The following GABRA2 variants were observed in gnomAD, a reference collection of about 807,000 sequenced individuals.
The protein encoded by GABRA2 is gamma-aminobutyric acid receptor subunit alpha-2.
GABRA2 carries 16 observed loss-of-function variants against 48.7 expected under a neutral mutation model. The observed-to-expected ratio is 0.33, with a 90% CI of 0.22 to 0.50. The LOEUF (loss-of-function observed/expected upper bound fraction) is 0.50, where lower values mean the gene tolerates loss of function less well. Among genes scored for constraint, GABRA2 ranks in the 20% least tolerant of loss-of-function variants. The pLI is 0.98. For missense variants in GABRA2, 275 were observed against 535.6 expected, an observed-to-expected ratio of 0.51 and a Z score of 4.80; for synonymous variants, 185 against 184.5, an observed-to-expected ratio of 1.00 and a Z score of -0.02.
At chr4:46,363,540 A>C (rs544338896) in intron 3 of GABRA2, among the ~76,000 whole-genome samples, 1 of 152,274 alleles carries the variant, frequency 6.6e-6, no homozygotes, top group South Asian at 2.1e-4. Flanking sequence ...TCTATTTGAG[A>C]ATACATAATG....
chr4:46,347,801 GAGAAAAAAACAC>G (rs2109887664), intron 3 of GABRA2, among the ~76,000 whole-genome samples: 1 of 151,860 alleles, frequency 6.6e-6, no homozygotes, highest in African/African-American at 2.4e-5. Context: ...GCAGATGGAA[GAGAAAAAAACAC>G]AGACTGGGAG....
chr4:46,260,729 A>G (rs1716791584), intron 9 of GABRA2: 1 of 151,964 alleles, frequency 6.6e-6, no homozygotes. Flanking sequence ...TGTAATGGAA[A>G]TGCTGAAACA....
chr4:46,247,649 G>GAT lies in GABRA2; in HGVS notation c.*2657_*2658dup. Among the ~76,000 whole-genome samples the GAT allele has an allele frequency of 6.6e-6, 1 of 151,264 alleles. No homozygotes were observed. The highest frequency in any genetic ancestry group is 6.6e-5 in the Admixed American group (1 of 15,122). On this transcript the variant is annotated 3_prime_UTR_variant, in exon 10 of 10. Transcript: ENST00000381620. Reference sequence around the variant, plus strand: ...TAGGTATAATCTTATGGGCCAAAGAGATCAGTGTTAGTATATATAAAATGT... The same window carrying GAT: ...TAGGTATAATCTTATGGGCCAAAGAGATATCAGTGTTAGTATATATAAAATGT...
chr4:46,247,291 G>C lies in GABRA2; in HGVS notation c.*3017C>G, dbSNP rs1310714920. On this transcript the variant is annotated 3_prime_UTR_variant, in exon 10 of 10. Transcript: ENST00000381620. ...ATGAACAGGAGAAAAGAGAAAAACA[G>C]CCACCTATCCTAGCACACTAGTGGC... Among the ~76,000 whole-genome samples, 1 of 150,984 alleles carries C rather than the reference G, an allele frequency of 6.6e-6. No individual in the cohort carries two copies. The highest frequency in any genetic ancestry group is 1.5e-5 in the Non-Finnish European group (1 of 67,428).
chr4:46,313,309 AT>A (rs1355421414), intron 4 of GABRA2, among the ~76,000 whole-genome samples: 1 of 151,914 alleles, frequency 6.6e-6, no homozygotes. Context: ...AAATTATCAT[AT>A]TTATTTTTTA....
At chr4:46,251,574 T>C (rs1342688613) in intron 9 of GABRA2, among the ~76,000 whole-genome samples, 1 of 151,486 alleles carries the variant, frequency 6.6e-6, no homozygotes, top group East Asian at 2.0e-4. Flanking sequence ...ATTTTTCACA[T>C]GAACACCAAT....
chr4:46,291,337 A>T (rs1723585709), intron 8 of GABRA2, among the ~76,000 whole-genome samples: 1 of 152,094 alleles, frequency 6.6e-6, no homozygotes, highest in Non-Finnish European at 1.5e-5. Context: ...GAGTGTGCCC[A>T]TTACTAGGAA....
At chr4:46,310,572 T>G (rs1181755237) in intron 5 of GABRA2, among the ~76,000 whole-genome samples, 2 of 152,126 alleles carry the variant, frequency 1.3e-5, no homozygotes, top group Non-Finnish European at 2.9e-5. Context: ...CTTGAAATCT[T>G]AAGGGCCAAA....
chr4:46,246,384 T>C lies in GABRA2; in HGVS notation c.*3924A>G, dbSNP rs1194385893. Among the ~76,000 whole-genome samples the C allele has an allele frequency of 2.0e-5, 3 of 151,216 alleles. No homozygotes were observed. Among genetic ancestry groups the C allele is most frequent in the African/African-American group, 7.3e-5 (3 of 41,342 alleles). ...AGAGCATGAATTCAGTAGATAAAAA[T>C]ATGACTTGTCTTCTCCACACTGTTA... On this transcript the variant is annotated 3_prime_UTR_variant, in exon 10 of 10. Transcript: ENST00000381620.
intron 8 of GABRA2, among the ~76,000 whole-genome samples, chr4:46,279,175 C>T (rs929191800): frequency 2.0e-4 from 31 of 151,992 alleles, no homozygotes; most frequent in African/African-American, 7.5e-4. Flanking sequence ...TGTCCGATAT[C>T]TATTAAAACT....
chr4:46,246,808 T>G lies in GABRA2; in HGVS notation c.*3500A>C, dbSNP rs1713794933. 6.6e-6 allele frequency among the ~76,000 whole-genome samples: 1 copy of G among 151,180 alleles called. No individual in the cohort carries two copies. The highest frequency in any genetic ancestry group is 6.6e-5 in the Admixed American group (1 of 15,096). On this transcript the variant is annotated 3_prime_UTR_variant, in exon 10 of 10. Transcript: ENST00000381620. ...TGAGGGCATCAGGCATAGAATACATTAAACAAATTATTAATGGATGCCAAA... is the reference window on the plus strand; with the variant it reads ...TGAGGGCATCAGGCATAGAATACATGAAACAAATTATTAATGGATGCCAAA...
chr4:46,346,912 G>C (rs568798866), intron 3 of GABRA2, among the ~76,000 whole-genome samples: 1 of 151,962 alleles, frequency 6.6e-6, no homozygotes, highest in South Asian at 2.1e-4. Flanking sequence ...TGTCAGAGCT[G>C]ATAAATTAAT....
At chr4:46,342,903 T>C (rs573386921) in intron 3 of GABRA2, among the ~76,000 whole-genome samples, 1 of 152,114 alleles carries the variant, frequency 6.6e-6, no homozygotes, top group Admixed American at 6.6e-5. Context: ...CTTCAAGTAA[T>C]CCTCCCACCT....
chr4:46,361,357 G>A (rs1713156225), intron 3 of GABRA2, among the ~76,000 whole-genome samples: 1 of 152,190 alleles, frequency 6.6e-6, no homozygotes. Context: ...ACAAGTTACA[G>A]CTCAGGCTGT....
At chr4:46,337,611 T>C (rs1560546171) in intron 3 of GABRA2, among the ~76,000 whole-genome samples, 1 of 135,692 alleles carries the variant, frequency 7.4e-6, no homozygotes, top group East Asian at 2.2e-4. Context: ...AGACTGAAGA[T>C]AGCGTATTCA....
chr4:46,346,948 C>T (rs1734240884), intron 3 of GABRA2, among the ~76,000 whole-genome samples: 1 of 151,786 alleles, frequency 6.6e-6, no homozygotes, highest in Admixed American at 6.6e-5. Flanking sequence ...CAAAGTTAAC[C>T]TACAAAATCA....
intron 3 of GABRA2, among the ~76,000 whole-genome samples, chr4:46,358,416 C>T (rs745517021): frequency 1.3e-5 from 2 of 152,092 alleles, no homozygotes; most frequent in African/African-American, 4.8e-5. Context: ...TTTTGTTTTG[C>T]AATACTGATG....
intron 3 of GABRA2, among the ~76,000 whole-genome samples, chr4:46,377,751 C>A (rs1403879563): frequency 1.5e-4 from 21 of 140,104 alleles, no homozygotes; most frequent in Non-Finnish European, 3.1e-4. Flanking sequence ...GCCCCCCGCC[C>A]GGCCAGCCGC....
chr4:46,294,801 C>T (rs189664611), intron 8 of GABRA2, among the ~76,000 whole-genome samples: 1 of 152,232 alleles, frequency 6.6e-6, no homozygotes, highest in African/African-American at 2.4e-5. Flanking sequence ...AGAACATGAA[C>T]ATTCGACTAT....
Sources: gnomAD v4.1 joint callset for allele counts (sites outside exome capture counted in the v4.1 genomes callset) on GRCh38, gnomAD v4.1.1 for gene constraint, MANE v1.5 for transcripts, NCBI Gene and HGNC (gene_info 2026-07-23, HGNC 2026-07-21) for gene names.